LRBA: variants seen among roughly 807,000 people sequenced by gnomAD.
LRBA encodes the protein lipopolysaccharide-responsive and beige-like anchor protein.
A neutral mutation model predicts 330.0 loss-of-function variants in LRBA; 176 were observed. The ratio of observed to expected loss-of-function variants is 0.53; its 90% CI spans 0.47 to 0.60. The LOEUF is 0.60. Ranked by LOEUF, LRBA falls within the 20% of genes least tolerant of loss-of-function variation. The pLI, the probability that LRBA is intolerant of heterozygous loss-of-function variation, is 0.00. For synonymous variants in LRBA, 1,230 were observed against 1,193.0 expected (o/e 1.03, Z -0.64); for missense variants, 3,259 against 3,444.8 (o/e 0.95, Z 1.35).
At chr4:150,452,483 G>A (rs1427808572) in intron 44 of LRBA, among the ~76,000 whole-genome samples, 1 of 151,978 alleles carries the variant, frequency 6.6e-6, no homozygotes, top group African/African-American at 2.4e-5. Context: ...TTAGCCGCGT[G>A]CGGTGGTGTG....
At chr4:150,931,450 A>T (rs970460272) in intron 2 of LRBA, among the ~76,000 whole-genome samples, 1 of 151,350 alleles carries the variant, frequency 6.6e-6, no homozygotes, top group Non-Finnish European at 1.5e-5. Context: ...ATGCAAATAG[A>T]ACAAAGATCA....
chr4:150,993,975 G>A (rs569061140), intron 2 of LRBA, among the ~76,000 whole-genome samples: 18 of 150,258 alleles, frequency 1.2e-4, no homozygotes, highest in African/African-American at 4.2e-4. Flanking sequence ...TAAGGCAGGA[G>A]AATTGCCTGA....
At chr4:150,786,886 A>C (rs1056876862) in intron 34 of LRBA, among the ~76,000 whole-genome samples, 1 of 152,176 alleles carries the variant, frequency 6.6e-6, no homozygotes, top group Non-Finnish European at 1.5e-5. Context: ...CTATTGGGCA[A>C]TTACATTGGA....
chr4:150,851,592 T>C lies in LRBA; in HGVS notation c.3825+293A>G, dbSNP rs183927532. ...TGGGTTAGTCAAATAAAAGGTAAAA[T>C]GCAAGTGTTTCCAATATTTGTTTTA... On this transcript the variant is annotated intron_variant, in intron 23 of 56. Transcript: ENST00000651943. Among the ~76,000 whole-genome samples, 7 of 152,334 alleles carry C rather than the reference T, an allele frequency of 4.6e-5. No homozygotes were observed. The East Asian group carries it at 9.6e-4, about 21-fold the overall frequency.
chr4:150,861,720 T>C (rs986376393), intron 22 of LRBA, among the ~76,000 whole-genome samples: 2 of 152,194 alleles, frequency 1.3e-5, no homozygotes, highest in African/African-American at 4.8e-5. Flanking sequence ...AACCTCAGCT[T>C]ACTGTAACAT....
chr4:150,756,424 T>G (rs1165019772), intron 35 of LRBA, among the ~76,000 whole-genome samples: 1 of 152,104 alleles, frequency 6.6e-6, no homozygotes, highest in East Asian at 1.9e-4. Context: ...CACCAAAACC[T>G]CTAAGAAAAT....
chr4:150,671,476 A>G (rs963191633), intron 37 of LRBA, among the ~76,000 whole-genome samples: 9 of 152,296 alleles, frequency 5.9e-5, no homozygotes, highest in Non-Finnish European at 1.0e-4. Context: ...TAGAGAACTA[A>G]ATAGTACATT....
At chr4:150,525,575 C>G (rs1230345470) in intron 40 of LRBA, among the ~76,000 whole-genome samples, 2 of 152,122 alleles carry the variant, frequency 1.3e-5, no homozygotes, top group Non-Finnish European at 2.9e-5. Context: ...GCTGATGTTT[C>G]TGTTTTAGAA....
chr4:151,002,196 CAAAAAAAAAAA>C lies in LRBA; in HGVS notation c.216+12220_216+12230del, dbSNP rs143587760. ...TAACGACAGAGGAAACATAAAACAG[CAAAAAAAAAAA>C]AAAAAAAAAAAAAAGGGCACCTCCA... On this transcript the variant is annotated intron_variant, in intron 2 of 56. Coordinates refer to ENST00000651943, the MANE Select transcript of LRBA (RefSeq NM_001364905.1). Among the ~76,000 whole-genome samples, 4 of 24,406 alleles carry C rather than the reference CAAAAAAAAAAA, an allele frequency of 1.6e-4. No individual in the cohort carries two copies. The South Asian group carries it at 8.6e-3, about 53-fold the overall frequency. The allele number at this position is 24,406 out of a possible 152,430, so 16.0% of individuals were successfully genotyped here.
rs190529371 is a variant in LRBA, at chr4:150,719,108, T to G, written c.5754+16150A>C. 2.6e-5 allele frequency among the ~76,000 whole-genome samples: 4 copies of G among 152,266 alleles called. No homozygotes were observed. The East Asian group carries it at 7.7e-4, about 29-fold the overall frequency. Reference sequence around the variant, plus strand: ...ATATTAGCTACTGTTGGCACCATCATTCCTCACCGAAACTGAAAATATATA... The same window carrying G: ...ATATTAGCTACTGTTGGCACCATCAGTCCTCACCGAAACTGAAAATATATA... On this transcript the variant is annotated intron_variant, in intron 36 of 56. Transcript: ENST00000651943.
chr4:150,817,017 C>A, intron 31 of LRBA, 107 bp downstream of exon 31: 2 of 873,384 alleles, frequency 2.3e-6, no homozygotes, highest in Non-Finnish European at 3.7e-6. Context: ...TATAAAAGTA[C>A]AATGGTTTCT....
intron 47 of LRBA, among the ~76,000 whole-genome samples, chr4:150,400,255 G>A (rs954308348): frequency 1.3e-5 from 2 of 152,086 alleles, no homozygotes; most frequent in Non-Finnish European, 2.9e-5. Flanking sequence ...CCAATTTAGG[G>A]AGTATCCAAT....
intron 37 of LRBA, among the ~76,000 whole-genome samples, chr4:150,626,213 C>T (rs1252926498): frequency 6.6e-6 from 1 of 152,050 alleles, no homozygotes; most frequent in Non-Finnish European, 1.5e-5. Context: ...AACATGATGC[C>T]CAGGGATCCT....
At chr4:150,657,935 C>A (rs1780376853) in intron 37 of LRBA, among the ~76,000 whole-genome samples, 2 of 151,864 alleles carry the variant, frequency 1.3e-5, no homozygotes, top group African/African-American at 4.8e-5. Context: ...GCTTTTACTG[C>A]AAAAGAAAGA....
At chr4:150,265,834 G>GGACT in intron 56 of LRBA, 22 bp from the exon 57 acceptor site, 1 of 1,480,742 alleles carries the variant, frequency 6.8e-7, no homozygotes, top group Non-Finnish European at 9.4e-7. Flanking sequence ...ACAGAGAGAA[G>GGACT]GACTTTTACA....
At chr4:151,013,668 C>T (rs1208883720) in intron 2 of LRBA, 1 of 152,178 alleles carries the variant, frequency 6.6e-6, no homozygotes, top group Non-Finnish European at 1.5e-5. Flanking sequence ...TGAGAACAGC[C>T]TGGGCAACAT....
intron 22 of LRBA, among the ~76,000 whole-genome samples, chr4:150,862,462 A>G (rs1752074423): frequency 6.6e-6 from 1 of 152,098 alleles, no homozygotes; most frequent in Non-Finnish European, 1.5e-5. Flanking sequence ...TCTCACTCAT[A>G]GGTGGGAATT....
chr4:150,928,131 G>C (rs755302885), intron 4 of LRBA, among the ~76,000 whole-genome samples: 3 of 152,182 alleles, frequency 2.0e-5, no homozygotes, highest in Non-Finnish European at 4.4e-5. Flanking sequence ...ATTAACTGCA[G>C]AGGTTTTGTT....
chr4:150,402,885 G>C (rs945177244), intron 47 of LRBA, among the ~76,000 whole-genome samples: 7 of 151,554 alleles, frequency 4.6e-5, no homozygotes, highest in African/African-American at 1.7e-4. Flanking sequence ...TTCTGGATAA[G>C]CATGTGGCAA....
Sources: allele counts gnomAD v4.1 joint callset (sites outside exome capture counted in the v4.1 genomes callset), GRCh38; gene constraint gnomAD v4.1.1; transcripts MANE v1.5; gene names NCBI Gene and HGNC (gene_info 2026-07-23, HGNC 2026-07-21).